IL1RAPL2: variants seen among roughly 807,000 people sequenced by gnomAD.
The protein encoded by IL1RAPL2 is interleukin 1 receptor accessory protein like 2.
IL1RAPL2 carries 3 observed loss-of-function variants against 44.1 expected under a neutral mutation model. The observed-to-expected ratio is 0.07, with a 90% CI of 0.03 to 0.18. The LOEUF (loss-of-function observed/expected upper bound fraction) is 0.18. Among genes scored for constraint, IL1RAPL2 ranks in the 10% least tolerant of loss-of-function variants. The pLI is 1.00. For missense variants in IL1RAPL2, 391 were observed against 496.4 expected, an observed-to-expected ratio of 0.79 and a Z score of 2.02; for synonymous variants, 181 against 178.8, an observed-to-expected ratio of 1.01 and a Z score of -0.10.
chrX:105,011,048 T>C (rs373144543), intron 2 of IL1RAPL2, among the ~76,000 whole-genome samples: 3 of 110,661 alleles, frequency 2.7e-5, no homozygotes, highest in East Asian at 5.8e-4. Context: ...TTGGAACTTA[T>C]GGCCTTTGGT....
intron 2 of IL1RAPL2, among the ~76,000 whole-genome samples, chrX:105,010,572 G>A: frequency 9.0e-6 from 1 of 111,382 alleles, no homozygotes; most frequent in Non-Finnish European, 1.9e-5. Context: ...TCTTTAGATA[G>A]CAATGCTAAG....
chrX:105,541,064 T>C (rs1172502433), intron 6 of IL1RAPL2, among the ~76,000 whole-genome samples: 1 of 104,880 alleles, frequency 9.5e-6, no homozygotes, highest in Non-Finnish European at 1.9e-5. Flanking sequence ...TTGCTTGAAC[T>C]AGGGCAATAG....
chrX:104,827,830 A>G (rs993224004), intron 2 of IL1RAPL2, among the ~76,000 whole-genome samples: 6 of 111,361 alleles, frequency 5.4e-5, no homozygotes, highest in African/African-American at 2.0e-4. Flanking sequence ...ATTCCATTTC[A>G]TTATTTTTCC....
intron 5 of IL1RAPL2, among the ~76,000 whole-genome samples, chrX:105,301,538 T>A (rs1322782409): frequency 7.3e-5 from 8 of 109,331 alleles, no homozygotes. Flanking sequence ...TTTCCAAGAC[T>A]CTAGTAACCA....
At chrX:105,132,230 G>T (rs757955523) in intron 2 of IL1RAPL2, among the ~76,000 whole-genome samples, 1 of 109,228 alleles carries the variant, frequency 9.2e-6, no homozygotes, top group South Asian at 3.9e-4. Flanking sequence ...CTTTAACAAT[G>T]CTCAGGTTAC....
chrX:104,829,043 A>G (rs748869737), intron 2 of IL1RAPL2, among the ~76,000 whole-genome samples: 2 of 112,345 alleles, frequency 1.8e-5, no homozygotes, highest in Non-Finnish European at 3.8e-5. Context: ...ATTTCAAGCC[A>G]GTGGATCTTA....
chrX:104,837,184 AAC>A (rs1422693654), intron 2 of IL1RAPL2, among the ~76,000 whole-genome samples: 1 of 111,526 alleles, frequency 9.0e-6, no homozygotes, highest in Non-Finnish European at 1.9e-5. Flanking sequence ...TGCTGCAATA[AAC>A]ACATGTGTAC....
rs181366730 is a variant in IL1RAPL2 at position 105,700,131 on chromosome X, A to G, written c.773-17236A>G. On this transcript the variant is annotated intron_variant, in intron 6 of 10. Transcript: ENST00000372582. ...AAATTCTCCCAAGGATATAGAACACAGTAAAAACAGCAGTATAAATTGGTG... is the reference window on the plus strand; with the variant it reads ...AAATTCTCCCAAGGATATAGAACACGGTAAAAACAGCAGTATAAATTGGTG... Among the ~76,000 whole-genome samples, 149 of 111,780 alleles carry G rather than the reference A, an allele frequency of 1.3e-3. 1 individual carries two copies. Among genetic ancestry groups the G allele is most frequent in the Non-Finnish European group, 1.7e-3 (91 of 53,116 alleles).
chrX:104,940,677 T>A (rs1051485143), intron 2 of IL1RAPL2, among the ~76,000 whole-genome samples: 3 of 110,432 alleles, frequency 2.7e-5, no homozygotes, highest in African/African-American at 1.0e-4. Flanking sequence ...GCTTCAGGGC[T>A]AGTTGTTGGA....
intron 2 of IL1RAPL2, among the ~76,000 whole-genome samples, chrX:104,821,361 C>T (rs748207094): frequency 3.6e-5 from 4 of 110,740 alleles, no homozygotes; most frequent in Non-Finnish European, 5.7e-5. Flanking sequence ...CTGTCATCTA[C>T]GTTAGGTATT....
chrX:104,677,356 G>T (rs760385423), intron 2 of IL1RAPL2, among the ~76,000 whole-genome samples: 1 of 109,646 alleles, frequency 9.1e-6, no homozygotes, highest in East Asian at 2.9e-4. Context: ...ATACCCTGCC[G>T]TGTGAGGTGT....
Position 104,689,110 on chromosome X carries a change from C to T in IL1RAPL2, c.82+30115C>T, listed in dbSNP as rs915028405. On this transcript the variant is annotated intron_variant, in intron 2 of 10. Transcript: ENST00000372582. ...ATCCAAAAACCAACGTATAAGTACA[C>T]GCTAAATATGTGTTGGTAGATTTTT... Among the ~76,000 whole-genome samples the T allele has an allele frequency of 5.4e-5, 6 of 111,686 alleles. No individual in the cohort carries two copies. In the East Asian group the frequency reaches 8.5e-4, roughly 16 times the overall value.
chrX:105,717,596 C>G (rs1450438685), intron 7 of IL1RAPL2, 100 bp downstream of exon 7: 2 of 826,990 alleles, frequency 2.4e-6, no homozygotes, highest in Admixed American at 3.1e-5. Context: ...AAAAGCTGAT[C>G]TTATGGAGAG....
chrX:105,145,318 A>G (rs1336111196), intron 2 of IL1RAPL2, among the ~76,000 whole-genome samples: 1 of 111,517 alleles, frequency 9.0e-6, no homozygotes, highest in Non-Finnish European at 1.9e-5. Context: ...TACATGTCAA[A>G]TGAAACTTCT....
At chrX:105,205,463 G>A (rs1366676592) in intron 3 of IL1RAPL2, among the ~76,000 whole-genome samples, 12 of 105,603 alleles carry the variant, frequency 1.1e-4, no homozygotes, top group Admixed American at 2.1e-4. Context: ...GGTAGTGCAC[G>A]CCTACAATCC....
chrX:104,640,312 C>G (rs1445729667), intron 1 of IL1RAPL2, among the ~76,000 whole-genome samples: 1 of 111,391 alleles, frequency 9.0e-6, no homozygotes, highest in Non-Finnish European at 1.9e-5. Context: ...GTGTTGAATT[C>G]TTCAGTTCCA....
chrX:105,663,573 G>A (rs1174286829), intron 6 of IL1RAPL2, among the ~76,000 whole-genome samples: 1 of 111,743 alleles, frequency 8.9e-6, no homozygotes, highest in Admixed American at 9.6e-5. Context: ...CTTCATGTGA[G>A]CAATTCCTCT....
intron 2 of IL1RAPL2, among the ~76,000 whole-genome samples, chrX:105,159,235 TATC>T (rs1337203465): frequency 8.9e-6 from 1 of 112,440 alleles, no homozygotes; most frequent in Non-Finnish European, 1.9e-5. Flanking sequence ...GTAAAAGGAA[TATC>T]ATTCTGTTTT....
intron 2 of IL1RAPL2, among the ~76,000 whole-genome samples, chrX:105,137,908 C>T (rs2147581439): frequency 9.0e-6 from 1 of 110,702 alleles, no homozygotes; most frequent in African/African-American, 3.3e-5. Context: ...TGTACAAACA[C>T]AATAAAAAAT....
Sources: allele counts gnomAD v4.1 joint callset (sites outside exome capture counted in the v4.1 genomes callset), GRCh38; gene constraint gnomAD v4.1.1; transcripts MANE v1.5; gene names NCBI Gene and HGNC (gene_info 2026-07-23, HGNC 2026-07-21).